The following RAI1 variants were observed in gnomAD, a reference collection of about 807,000 sequenced individuals.
RAI1 encodes the protein retinoic acid induced 1, also known as retinoic acid-induced protein 1.
In RAI1, 9 loss-of-function variants were observed where a neutral mutation model predicts 123.8. That is an observed-to-expected ratio of 0.07 (90% CI 0.04 to 0.13). The LOEUF (loss-of-function observed/expected upper bound fraction) is 0.13, where lower values mean the gene tolerates loss of function less well. Among genes scored for constraint, RAI1 ranks in the 10% least tolerant of loss-of-function variants. The probability of loss-of-function intolerance (pLI) is 1.00; values close to 1 mark genes in which losing one functional copy is unlikely to be tolerated. For synonymous variants in RAI1, 1,231 were observed against 1,127.3 expected (o/e 1.09, Z -1.84); for missense variants, 2,256 against 2,545.8 (o/e 0.89, Z 2.45).
chr17:17,724,555 G>C (rs1166741054), intron 2 of RAI1, among the ~76,000 whole-genome samples: 1 of 152,014 alleles, frequency 6.6e-6, no homozygotes, highest in African/African-American at 2.4e-5. Flanking sequence ...CGGGGCTGGT[G>C]GCCACGGATG....
At chr17:17,703,275 C>T (rs770367703) in intron 1 of RAI1, among the ~76,000 whole-genome samples, 3 of 152,268 alleles carry the variant, frequency 2.0e-5, no homozygotes, top group Middle Eastern at 3.4e-3. Flanking sequence ...AGCCGCGCCC[C>T]CTACTGCCCC....
intron 1 of RAI1, among the ~76,000 whole-genome samples, chr17:17,686,817 G>A (rs907720742): frequency 1.3e-5 from 2 of 151,806 alleles, no homozygotes; most frequent in Non-Finnish European, 2.9e-5. Context: ...GCAGCCAGGC[G>A]CATCGTCTCA....
At chr17:17,720,494 G>C (rs1233563431) in intron 1 of RAI1, among the ~76,000 whole-genome samples, 1 of 152,228 alleles carries the variant, frequency 6.6e-6, no homozygotes, top group East Asian at 1.9e-4. Flanking sequence ...GCTGGGTGCT[G>C]GTTGCTGGCA....
intron 2 of RAI1, among the ~76,000 whole-genome samples, chr17:17,746,507 C>G (rs1463724138): frequency 6.6e-6 from 1 of 152,190 alleles, no homozygotes; most frequent in Non-Finnish European, 1.5e-5. Flanking sequence ...ACTGGGAGTT[C>G]AGGAGCTCCT....
rs899299328 is a variant in RAI1 at position 17,799,061 on chromosome 17, G to A, written c.5565+548G>A. Among the ~76,000 whole-genome samples the A allele has an allele frequency of 6.6e-6, 1 of 152,176 alleles. No homozygotes were observed. Among genetic ancestry groups the A allele is most frequent in the African/African-American group, 2.4e-5 (1 of 41,442 alleles). ...GCAGGACAGTCCATGGGGTCACACA[G>A]TCACAACAGGCAGGGCGGGGCAGAT... On this transcript the variant is annotated intron_variant, in intron 3 of 5. Transcript: ENST00000353383. This position sits in a 1 kb window ranked among gnomAD's most constrained non-coding sequence, Gnocchi z 4.5.
intron 2 of RAI1, among the ~76,000 whole-genome samples, chr17:17,769,089 C>T (rs1051868689): frequency 6.6e-6 from 1 of 152,216 alleles, no homozygotes; most frequent in East Asian, 1.9e-4. Context: ...GTGTGTGGGC[C>T]TCTGGCTGAC....
chr17:17,804,528 A>G (rs2032559386), intron 4 of RAI1, among the ~76,000 whole-genome samples: 1 of 152,226 alleles, frequency 6.6e-6, no homozygotes, highest in Admixed American at 6.5e-5. Context: ...ACTGAGGCTC[A>G]GAGACATTCC....
chr17:17,722,783 G>A (rs1915927673), intron 1 of RAI1, among the ~76,000 whole-genome samples: 1 of 152,198 alleles, frequency 6.6e-6, no homozygotes, highest in Non-Finnish European at 1.5e-5. Context: ...GGATCTCCAA[G>A]CTGCGTCTCT....
Position 17,795,764 on chromosome 17 carries a change from A to G in RAI1, c.2816A>G (p.Gln939Arg). The part of the protein sequence containing the change: ...GPTVGTESKV[Q>R]SWFESSLSHM... ...ACAGTGGGCACCGAGTCAAAGGTCC[A>G]GAGCTGGTTTGAGTCCTCTCTGTCA... The change falls in exon 3 of 6, where the codon CAG becomes CGG. Residue 939 changes from glutamine to arginine, a missense_variant. By Grantham distance (43) the Gln-to-Arg change is conservative. Coordinates refer to ENST00000353383, the MANE Select transcript of RAI1 (RefSeq NM_030665.4). This position sits in a 1 kb window ranked among gnomAD's most constrained non-coding sequence, Gnocchi z 5.9. 2 of 1,613,592 alleles carry G rather than the reference A, an allele frequency of 1.2e-6. No individual in the cohort carries two copies. The highest frequency in any genetic ancestry group is 1.1e-5 in the South Asian group (1 of 91,088).
chr17:17,794,992 T>G lies in RAI1; in HGVS notation c.2044T>G (p.Phe682Val). 1 of 1,614,026 alleles carries G rather than the reference T, an allele frequency of 6.2e-7. No homozygotes were observed. Among genetic ancestry groups the G allele is most frequent in the Non-Finnish European group, 8.5e-7 (1 of 1,180,030 alleles). ...GGACAAGGGCGGCAATGCCAAGGAC[T>G]TCAGCCCAGGGCTGTTTGAAGACCC... Reference protein sequence around the residue: ...QLDKGGNAKDFSPGLFEDPSV... With the variant: ...QLDKGGNAKDVSPGLFEDPSV... The change falls in exon 3 of 6, where the codon TTC (phenylalanine) becomes GTC (valine). Residue 682 changes from phenylalanine (F) to valine (V), a missense_variant. Transcript: ENST00000353383.
chr17:17,684,698 ATATATATATG>A (rs1359901902), intron 1 of RAI1: 190 of 93,938 alleles, frequency 2.0e-3, no homozygotes, highest in African/African-American at 7.8e-3. Context: ...ATATATATAT[ATATATATATG>A]TATGTATGTA....
At chr17:17,715,719 A>G (rs546677161) in intron 1 of RAI1, among the ~76,000 whole-genome samples, 31 of 152,100 alleles carry the variant, frequency 2.0e-4, no homozygotes, top group Non-Finnish European at 4.6e-4. Flanking sequence ...ACAGATTCAG[A>G]TGCCCCCCGG....
In RAI1 at chr17:17,793,364, C is replaced by T. The variant is rs766418162; in HGVS notation, c.416C>T (p.Ala139Val). 1 of 1,613,102 alleles carries T rather than the reference C, an allele frequency of 6.2e-7. No homozygotes were observed. The highest frequency in any genetic ancestry group is 8.5e-7 in the Non-Finnish European group (1 of 1,179,854). ...PQPQPLPAGV[A>V]KYDENLMKKT... Reference sequence around the variant, plus strand: ...CCGCAGCCACTACCTGCAGGGGTGGCCAAGTATGATGAGAACTTGATGAAA... The same window carrying T: ...CCGCAGCCACTACCTGCAGGGGTGGTCAAGTATGATGAGAACTTGATGAAA... The change falls in exon 3 of 6, where the codon GCC (alanine) becomes GTC (valine). Residue 139 changes from alanine to valine, a missense_variant. This residue lies in a region of RAI1 where 336 missense variants were observed against 349.8 expected (regional missense o/e 0.96). Transcript: ENST00000353383.
At chr17:17,712,991 G>C (rs955649810) in intron 1 of RAI1, among the ~76,000 whole-genome samples, 3 of 152,034 alleles carry the variant, frequency 2.0e-5, no homozygotes, top group Admixed American at 2.0e-4. Context: ...CTGGGGGTGG[G>C]GAAATGGGGG....
At chr17:17,711,100 C>T (rs1047110725) in intron 1 of RAI1, among the ~76,000 whole-genome samples, 1 of 152,206 alleles carries the variant, frequency 6.6e-6, no homozygotes, top group African/African-American at 2.4e-5. Context: ...CCGCAGTACC[C>T]GGAAAACCTC....
chr17:17,788,873 A>G (rs892930378), intron 2 of RAI1, among the ~76,000 whole-genome samples: 4 of 152,126 alleles, frequency 2.6e-5, no homozygotes, highest in Non-Finnish European at 4.4e-5. Flanking sequence ...CTGGGGCCTC[A>G]AGCCTGGGGT....
At chr17:17,687,065 C>T (rs1222327181) in intron 1 of RAI1, among the ~76,000 whole-genome samples, 1 of 152,102 alleles carries the variant, frequency 6.6e-6, no homozygotes, top group Non-Finnish European at 1.5e-5. Context: ...CTCACTGCAA[C>T]CTCTGCCTCC....
chr17:17,694,756 G>A (rs1444254401), intron 1 of RAI1, among the ~76,000 whole-genome samples: 4 of 150,070 alleles, frequency 2.7e-5, no homozygotes, highest in Non-Finnish European at 5.9e-5. Flanking sequence ...AGGCCAGGCG[G>A]GGGGCGAGGC....
At chr17:17,722,803 A>C (rs1205275769) in intron 1 of RAI1, among the ~76,000 whole-genome samples, 2 of 152,166 alleles carry the variant, frequency 1.3e-5, no homozygotes, top group Non-Finnish European at 2.9e-5. Flanking sequence ...TGATGCGGCT[A>C]GGGGAGGCGC....
Sources: gnomAD v4.1 joint callset for allele counts (sites outside exome capture counted in the v4.1 genomes callset) on GRCh38, gnomAD v4.1.1 for gene constraint, gnomAD v4.1.1 regional missense constraint, Gnocchi (gnomAD v3.1) non-coding constraint, MANE v1.5 for transcripts, NCBI Gene and HGNC (gene_info 2026-07-23, HGNC 2026-07-21) for gene names.